The following NOL4 variants were observed in gnomAD, a reference collection of about 807,000 sequenced individuals.
The protein encoded by NOL4 is cancer/testis antigen 125.
Under a neutral mutation model 75.9 loss-of-function variants are expected in NOL4, and 17 were observed. The ratio of observed to expected loss-of-function variants is 0.22; its 90% CI spans 0.15 to 0.34. The LOEUF is 0.34. Ranked by LOEUF, NOL4 falls within the 10% of genes least tolerant of loss-of-function variation. The pLI, the probability that NOL4 is intolerant of heterozygous loss-of-function variation, is 1.00. For missense variants in NOL4, 614 were observed against 793.5 expected, an observed-to-expected ratio of 0.77 and a Z score of 2.72; for synonymous variants, 292 against 289.9, an observed-to-expected ratio of 1.01 and a Z score of -0.07.
chr18:34,207,169 C>A (rs1260427929), intron 1 of NOL4, among the ~76,000 whole-genome samples: 1 of 152,048 alleles, frequency 6.6e-6, no homozygotes, highest in Non-Finnish European at 1.5e-5. Flanking sequence ...CTTTATAATT[C>A]CAACATCTGG....
rs1293643851 is a variant in NOL4, at chr18:34,223,428, G to A, written c.-175C>T. ...GAAGAGGGGAGGAGGGTCCGGTTGG[G>A]CACCAGCAATCAATGCCCCGTGCTA... On this transcript the variant is annotated 5_prime_UTR_variant, in exon 1 of 11. Transcript: ENST00000261592. 3 of 814,722 alleles carry A rather than the reference G, an allele frequency of 3.7e-6. No individual in the cohort carries two copies. The highest frequency in any genetic ancestry group is 5.6e-6 in the Non-Finnish European group (3 of 532,082). The allele number at this position is 814,722 out of a possible 1,614,324, so 50.5% of individuals were successfully genotyped here.
At chr18:34,057,240 T>G (rs2076868882) in intron 5 of NOL4, among the ~76,000 whole-genome samples, 1 of 152,204 alleles carries the variant, frequency 6.6e-6, no homozygotes, top group African/African-American at 2.4e-5. Flanking sequence ...CACCATGTAC[T>G]TATATTTACA....
chr18:34,139,588 C>T (rs2081053370), intron 1 of NOL4, among the ~76,000 whole-genome samples: 1 of 152,098 alleles, frequency 6.6e-6, no homozygotes, highest in South Asian at 2.1e-4. Flanking sequence ...ATTAGTCTTG[C>T]TAGCGCTCTA....
intron 2 of NOL4, among the ~76,000 whole-genome samples, chr18:34,115,711 G>A (rs577928641): frequency 8.5e-5 from 13 of 152,136 alleles, no homozygotes; most frequent in South Asian, 4.2e-4. Flanking sequence ...CCTGAAGAAC[G>A]GTAACCCTTT....
intron 6 of NOL4, among the ~76,000 whole-genome samples, chr18:33,959,883 A>T (rs2069961459): frequency 6.6e-6 from 1 of 151,994 alleles, no homozygotes; most frequent in African/African-American, 2.4e-5. Flanking sequence ...TCTGCCTAAG[A>T]GCTAAGAGTG....
chr18:34,195,676 G>A (rs1295250686), intron 1 of NOL4, among the ~76,000 whole-genome samples: 2 of 150,048 alleles, frequency 1.3e-5, no homozygotes, highest in African/African-American at 4.9e-5. Context: ...GTACCGGTGT[G>A]TGCCAAATAA....
chr18:33,860,074 G>A (rs2063029601), intron 10 of NOL4, among the ~76,000 whole-genome samples: 1 of 152,034 alleles, frequency 6.6e-6, no homozygotes. Context: ...AAGGTGGCAG[G>A]CGAGAGAGCA....
At chr18:33,888,021 T>G (rs1015204348) in intron 9 of NOL4, among the ~76,000 whole-genome samples, 3 of 152,186 alleles carry the variant, frequency 2.0e-5, no homozygotes, top group African/African-American at 7.2e-5. Context: ...GTTGAACTAG[T>G]TTACAGTCCC....
chr18:34,217,622 G>C (rs1241625678), intron 1 of NOL4, among the ~76,000 whole-genome samples: 3 of 151,842 alleles, frequency 2.0e-5, no homozygotes, highest in Non-Finnish European at 4.4e-5. Context: ...GTGATTTTGA[G>C]TTCATAAAAT....
chr18:34,056,467 A>G (rs2076837607), intron 5 of NOL4, among the ~76,000 whole-genome samples: 1 of 152,160 alleles, frequency 6.6e-6, no homozygotes, highest in South Asian at 2.1e-4. Context: ...GTAGAACTAC[A>G]GAATCTCTGC....
At chr18:34,081,814 T>C (rs2078023521) in intron 5 of NOL4, among the ~76,000 whole-genome samples, 1 of 152,168 alleles carries the variant, frequency 6.6e-6, no homozygotes, top group South Asian at 2.1e-4. Flanking sequence ...CTGTCAAAAG[T>C]CAATTACATA....
At chr18:34,189,008 G>GA (rs1426709511) in intron 1 of NOL4, among the ~76,000 whole-genome samples, 1 of 152,098 alleles carries the variant, frequency 6.6e-6, no homozygotes, top group African/African-American at 2.4e-5. Context: ...CAAGAACCTT[G>GA]AATAATGGCA....
intron 8 of NOL4, among the ~76,000 whole-genome samples, chr18:33,952,920 G>A (rs555722404): frequency 9.5e-4 from 145 of 152,156 alleles, no homozygotes; most frequent in South Asian, 2.5e-3. Context: ...GTGAAACTCC[G>A]TCTCAAAAAA....
intron 2 of NOL4, among the ~76,000 whole-genome samples, chr18:34,114,685 T>C (rs1225346366): frequency 6.6e-6 from 1 of 152,202 alleles, no homozygotes; most frequent in Non-Finnish European, 1.5e-5. Flanking sequence ...AGTAACTTTT[T>C]GATAAATTGG....
Position 34,021,423 on chromosome 18 carries a change from A to G in NOL4, c.773-1822T>C, listed in dbSNP as rs567021143. Reference sequence around the variant, plus strand: ...TGCAGGGCAAGTGAGAAGTAAGAGTAGTCTGGAGTGCAAGAAAAGAGAATG... The same window carrying G: ...TGCAGGGCAAGTGAGAAGTAAGAGTGGTCTGGAGTGCAAGAAAAGAGAATG... On this transcript the variant is annotated intron_variant, in intron 5 of 10. Coordinates refer to ENST00000261592, the MANE Select transcript of NOL4 (RefSeq NM_003787.5). Among the ~76,000 whole-genome samples, 15 of 152,322 alleles carry G rather than the reference A, an allele frequency of 9.8e-5. No individual in the cohort carries two copies. The East Asian group carries it at 2.7e-3, about 27-fold the overall frequency.
chr18:34,092,814 C>T (rs1005111970), intron 5 of NOL4, among the ~76,000 whole-genome samples: 1 of 152,132 alleles, frequency 6.6e-6, no homozygotes, highest in African/African-American at 2.4e-5. Context: ...GTTCAAAGAT[C>T]TCCAAAAATA....
At chr18:34,003,520 T>C (rs899944737) in intron 6 of NOL4, among the ~76,000 whole-genome samples, 4 of 152,144 alleles carry the variant, frequency 2.6e-5, no homozygotes, top group African/African-American at 9.7e-5. Flanking sequence ...AAAATGTATA[T>C]GCAACCACAT....
At chr18:34,145,266 C>A (rs2081350786) in intron 1 of NOL4, among the ~76,000 whole-genome samples, 1 of 151,968 alleles carries the variant, frequency 6.6e-6, no homozygotes, top group African/African-American at 2.4e-5. Context: ...TTCTAGGACT[C>A]AATGAATGAA....
rs755854498 is a variant in NOL4 at position 34,129,984 on chromosome 18, G to A, written c.301C>T (p.Arg101Trp). Residue 101 changes from arginine (R) to tryptophan (W), a missense_variant, in exon 2 of 11, where the codon CGG becomes TGG. By Grantham distance (101) the Arg-to-Trp change is moderately radical. Around this residue, in one of 9 missense-constraint regions of NOL4, gnomAD observed 135 missense variants for 220.4 expected, o/e 0.61. Coordinates refer to ENST00000261592, the MANE Select transcript of NOL4 (RefSeq NM_003787.5). ...VGVDEKLSLR[R>W]VAVVEDFFDI... ...AAGAAATCTTCAACCACAGCTACCC[G>A]TCGTAAAGATAGCTTCTCATCTACC... The A allele has an allele frequency of 3.8e-6, 6 of 1,591,608 alleles. No individual in the cohort carries two copies. Among genetic ancestry groups the A allele is most frequent in the Non-Finnish European group, 4.3e-6 (5 of 1,168,150 alleles).
Sources: gnomAD v4.1 joint callset for allele counts (sites outside exome capture counted in the v4.1 genomes callset) on GRCh38, gnomAD v4.1.1 for gene constraint, gnomAD v4.1.1 regional missense constraint, MANE v1.5 for transcripts, NCBI Gene and HGNC (gene_info 2026-07-23, HGNC 2026-07-21) for gene names.